The following MAPK8 variants were observed in gnomAD, a reference collection of about 807,000 sequenced individuals.
MAPK8 encodes JUN N-terminal kinase.
Under a neutral mutation model 52.9 loss-of-function variants are expected in MAPK8, and 13 were observed. The observed-to-expected ratio is 0.25, with a 90% confidence interval of 0.16 to 0.39. MAPK8 has a LOEUF of 0.39. Among genes scored for constraint, MAPK8 ranks in the 10% least tolerant of loss-of-function variants. The pLI is 1.00. For synonymous variants in MAPK8, 191 were observed against 169.8 expected, an observed-to-expected ratio of 1.12 and a Z score of -0.97; for missense variants, 300 against 519.2, an observed-to-expected ratio of 0.58 and a Z score of 4.10.
intron 1 of MAPK8, among the ~76,000 whole-genome samples, chr10:48,311,852 C>CT (rs1304404282): frequency 3.9e-5 from 6 of 152,206 alleles, no homozygotes; most frequent in Admixed American, 6.5e-5. Flanking sequence ...AGAGCATCTA[C>CT]TATGAGATGA....
intron 3 of MAPK8, among the ~76,000 whole-genome samples, chr10:48,409,545 C>G (rs1273699778): frequency 6.6e-6 from 1 of 152,054 alleles, no homozygotes; most frequent in Non-Finnish European, 1.5e-5. Context: ...TATAGAGATA[C>G]TGAATTGGAA....
intron 3 of MAPK8, among the ~76,000 whole-genome samples, 178 bp downstream of exon 3, chr10:48,405,159 A>G (rs970962241): frequency 5.3e-5 from 8 of 151,232 alleles, no homozygotes; most frequent in Non-Finnish European, 1.0e-4. Context: ...ACTTTATTAA[A>G]TTGTATCAGA....
chr10:48,403,232 G>T (rs369535497), intron 2 of MAPK8, among the ~76,000 whole-genome samples: 2 of 152,268 alleles, frequency 1.3e-5, no homozygotes, highest in African/African-American at 4.8e-5. Context: ...GGCCGAGGTG[G>T]GTGGATCATG....
intron 1 of MAPK8, among the ~76,000 whole-genome samples, chr10:48,356,067 C>G (rs1340632156): frequency 9.0e-6 from 1 of 111,356 alleles, no homozygotes; most frequent in Admixed American, 8.7e-5. Context: ...GTACTCTAGG[C>G]ATGAAGAAAG....
At chr10:48,388,763 G>C (rs2041462193) in intron 1 of MAPK8, among the ~76,000 whole-genome samples, 1 of 152,250 alleles carries the variant, frequency 6.6e-6, no homozygotes, top group Admixed American at 6.5e-5. Flanking sequence ...AGCAGTGACT[G>C]AAACATAGGC....
chr10:48,337,243 G>A (rs936544737), intron 1 of MAPK8, among the ~76,000 whole-genome samples: 9 of 152,070 alleles, frequency 5.9e-5, no homozygotes, highest in Admixed American at 3.9e-4. Context: ...ATTCAAAAAA[G>A]CAGAAATCAT....
chr10:48,375,314 G>A (rs777627626), intron 1 of MAPK8, among the ~76,000 whole-genome samples: 10 of 152,020 alleles, frequency 6.6e-5, no homozygotes, highest in South Asian at 2.1e-4. Context: ...GAAGCATTCT[G>A]TTTGAAAACC....
intron 2 of MAPK8, among the ~76,000 whole-genome samples, chr10:48,402,109 C>T (rs1448036202): frequency 6.6e-6 from 1 of 152,080 alleles, no homozygotes; most frequent in African/African-American, 2.4e-5. Context: ...ATGTCAGTGC[C>T]CCCAAAATTT....
At chr10:48,425,835 C>CAAGAA in intron 7 of MAPK8, 53 bp from the exon 8 acceptor site, 2 of 872,366 alleles carry the variant, frequency 2.3e-6, no homozygotes, top group Non-Finnish European at 3.2e-6. Context: ...ATGAATATGA[C>CAAGAA]TAATGTATTG....
chr10:48,385,500 G>C (rs1456595854), intron 1 of MAPK8, among the ~76,000 whole-genome samples: 1 of 152,194 alleles, frequency 6.6e-6, no homozygotes, highest in African/African-American at 2.4e-5. Flanking sequence ...CTTTTGTAGA[G>C]GAAGAGATGA....
At chr10:48,431,412 G>T in intron 11 of MAPK8, 142 bp downstream of exon 11, 5 of 612,016 alleles carry the variant, frequency 8.2e-6, no homozygotes, top group African/African-American at 1.9e-5. Flanking sequence ...ATACAGTTTT[G>T]TTTTTTCTAC....
chr10:48,433,326 G>A (rs1171671023), intron 11 of MAPK8, among the ~76,000 whole-genome samples: 1 of 152,178 alleles, frequency 6.6e-6, no homozygotes, highest in Non-Finnish European at 1.5e-5. Flanking sequence ...TATAAAAATT[G>A]TATATGTTGG....
chr10:48,434,889 G>A lies in MAPK8; in HGVS notation c.1144G>A (p.Ala382Thr), dbSNP rs1323743097. Residue 382 changes from alanine (A) to threonine (T), a missense_variant, in exon 12 of 12, where the codon GCA becomes ACA. Ala to Thr is a moderately conservative substitution (Grantham distance 58). This residue lies in a region of MAPK8 where 119 missense variants were observed against 154.4 expected (regional missense o/e 0.77). Transcript: ENST00000374189. The stretch of plus-strand genomic sequence containing the variant: ...TTTTGTTTCTCATAGCACAGGTGCA[G>A]CAGTGATCAATGGCTCTCAGCATCC... ...IRGQPSPLGA[A>T]VINGSQHPSS... 6.2e-7 allele frequency: 1 copy of A among 1,613,086 alleles called. No homozygotes were observed. Among genetic ancestry groups the A allele is most frequent in the Non-Finnish European group, 8.5e-7 (1 of 1,179,568 alleles).
intron 1 of MAPK8, among the ~76,000 whole-genome samples, chr10:48,313,601 T>TTTTGGCTTTGGA (rs1340373222): frequency 1.3e-5 from 2 of 152,258 alleles, no homozygotes; most frequent in African/African-American, 2.4e-5. Context: ...TAAAAACGTA[T>TTTTGGCTTTGGA]TTTTCACAGC....
At chr10:48,326,574 C>T (rs1440739623) in intron 1 of MAPK8, among the ~76,000 whole-genome samples, 2 of 152,090 alleles carry the variant, frequency 1.3e-5, no homozygotes, top group East Asian at 3.8e-4. Context: ...TTTAGGTACT[C>T]TCAGCAGATA....
At chr10:48,424,251 G>A in intron 7 of MAPK8, 92 bp downstream of exon 7, 2 of 1,204,052 alleles carry the variant, frequency 1.7e-6, no homozygotes, top group East Asian at 4.7e-5. Context: ...TTACACAGAT[G>A]GGTTTTTAAA....
At position 48,387,516 on chromosome 10, in the gene MAPK8, A is replaced by G. The variant is rs2041386134; in HGVS notation, c.-49-14096A>G. Among the ~76,000 whole-genome samples, 6 of 152,178 alleles carry G rather than the reference A, an allele frequency of 3.9e-5. No individual in the cohort carries two copies. In the South Asian group the frequency reaches 1.2e-3, roughly 31 times the overall value. On this transcript the variant is annotated intron_variant, in intron 1 of 11. Coordinates refer to ENST00000374189, the MANE Select transcript of MAPK8 (RefSeq NM_001323329.2). ...AGATTTTATAAGATTATATATTTTT[A>G]TAAGATTATAACCTCTTCCTGGAAG...
At chr10:48,425,515 T>C (rs963400987) in intron 7 of MAPK8, 6 of 338,802 alleles carry the variant, frequency 1.8e-5, no homozygotes, top group Non-Finnish European at 2.6e-5. Flanking sequence ...TTCTGATAAA[T>C]TGACAGAAAA....
chr10:48,388,804 T>G (rs1025338397), intron 1 of MAPK8, among the ~76,000 whole-genome samples: 1 of 152,134 alleles, frequency 6.6e-6, no homozygotes, highest in African/African-American at 2.4e-5. Flanking sequence ...AGTACAATGC[T>G]CAGACCTAGG....
Sources: allele counts gnomAD v4.1 joint callset (sites outside exome capture counted in the v4.1 genomes callset), GRCh38; gene constraint gnomAD v4.1.1; regional missense constraint gnomAD v4.1.1; transcripts MANE v1.5; gene names NCBI Gene and HGNC (gene_info 2026-07-23, HGNC 2026-07-21).